The following DAAM1 variants were observed in gnomAD, a reference collection of about 807,000 sequenced individuals.
DAAM1 encodes the protein disheveled-associated activator of morphogenesis 1.
Under a neutral mutation model 130.0 loss-of-function variants are expected in DAAM1, and 52 were observed. The ratio of observed to expected loss-of-function variants is 0.40; its 90% CI spans 0.32 to 0.50. The LOEUF (loss-of-function observed/expected upper bound fraction) is 0.50, where lower values mean the gene tolerates loss of function less well. DAAM1 is among the 20% of genes least tolerant of loss of function. The pLI, the probability that DAAM1 is intolerant of heterozygous loss-of-function variation, is 0.61. For missense variants in DAAM1, 1,134 were observed against 1,303.8 expected, an observed-to-expected ratio of 0.87 and a Z score of 2.01; for synonymous variants, 452 against 444.5, an observed-to-expected ratio of 1.02 and a Z score of -0.21.
At chr14:59,339,546 G>C (rs1340897234) in intron 15 of DAAM1, among the ~76,000 whole-genome samples, 2 of 152,148 alleles carry the variant, frequency 1.3e-5, no homozygotes, top group Non-Finnish European at 2.9e-5. Context: ...TGTCCATCAG[G>C]CTCTGGAGTA....
intron 2 of DAAM1, among the ~76,000 whole-genome samples, chr14:59,274,034 G>A (rs1882842095): frequency 1.3e-5 from 2 of 152,108 alleles, no homozygotes; most frequent in South Asian, 4.1e-4. Context: ...GGAATTTCAA[G>A]CTGTTCTTGG....
At chr14:59,221,618 C>A (rs75369443) in intron 1 of DAAM1, among the ~76,000 whole-genome samples, 3 of 152,186 alleles carry the variant, frequency 2.0e-5, no homozygotes, top group East Asian at 3.8e-4. Context: ...CTAAGAGAAG[C>A]TCTAAACGAT....
intron 3 of DAAM1, among the ~76,000 whole-genome samples, chr14:59,305,498 T>C (rs548937517): frequency 6.6e-6 from 1 of 152,218 alleles, no homozygotes; most frequent in African/African-American, 2.4e-5. Flanking sequence ...ATAAATAAAG[T>C]AAGTGTCTCA....
At chr14:59,337,527 C>T (rs376082244) in intron 15 of DAAM1, among the ~76,000 whole-genome samples, 10 of 152,178 alleles carry the variant, frequency 6.6e-5, no homozygotes, top group East Asian at 3.9e-4. Context: ...AAAACTGGGG[C>T]GTGTTTTGCA....
Position 59,363,674 on chromosome 14 carries a change from GCC to G in DAAM1, c.2722_2723del (p.Pro908ThrfsTer5). 1 of 1,614,054 alleles carries G rather than the reference GCC, an allele frequency of 6.2e-7. No homozygotes were observed. ...AGGAGCTGGAATATCAGAAGTCTCA[GCC>G]CCCACAGCCCGGAGATAAGTTTGTG... ...ETELEYQKSQ[P>X]PQPGDKFVSV... On this transcript the variant is annotated frameshift_variant, in exon 23 of 25. Coordinates refer to ENST00000360909, the MANE Select transcript of DAAM1 (RefSeq NM_001270520.2). LOFTEE classifies it high-confidence loss of function.
intron 18 of DAAM1, 150 bp downstream of exon 18, chr14:59,352,782 T>A: frequency 1.4e-6 from 1 of 701,742 alleles, no homozygotes; most frequent in Non-Finnish European, 2.3e-6. Context: ...CTGAGTGATG[T>A]GGAATTTGTT....
chr14:59,314,409 C>A (rs1379666281), intron 3 of DAAM1, among the ~76,000 whole-genome samples: 1 of 152,140 alleles, frequency 6.6e-6, no homozygotes, highest in Non-Finnish European at 1.5e-5. Flanking sequence ...ATAGAAATCC[C>A]TGACCACAGT....
At chr14:59,194,604 C>A in intron 1 of DAAM1, among the ~76,000 whole-genome samples, 1 of 152,198 alleles carries the variant, frequency 6.6e-6, no homozygotes, top group Non-Finnish European at 1.5e-5. Context: ...CTCAGCCTCC[C>A]TCTTCCCTGT....
In DAAM1 at chr14:59,330,574, G is replaced by C; in HGVS notation, c.1446G>C (p.Glu482Asp). 1 of 1,614,060 alleles carries C rather than the reference G, an allele frequency of 6.2e-7. No homozygotes were observed. Among genetic ancestry groups the C allele is most frequent in the Admixed American group, 1.7e-5 (1 of 60,012 alleles). The change falls in exon 13 of 25, where the codon GAG becomes GAC. Residue 482 changes from glutamate (E) to aspartate (D), a missense_variant. By Grantham distance (45) the Glu-to-Asp change is conservative. Transcript: ENST00000360909. Reference sequence around the variant, plus strand: ...ATGCTAAGACTCAAGAGAAGGAAGAGATGATGCAGACCTTAAATAAAATGA... The same window carrying C: ...ATGCTAAGACTCAAGAGAAGGAAGACATGATGCAGACCTTAAATAAAATGA... ...ECDAKTQEKE[E>D]MMQTLNKMKE...
At chr14:59,361,095 G>T (rs1886688057) in intron 22 of DAAM1, among the ~76,000 whole-genome samples, 1 of 152,200 alleles carries the variant, frequency 6.6e-6, no homozygotes, top group South Asian at 2.1e-4. Context: ...CTGGAAACTG[G>T]ACCTAGTGTG....
At chr14:59,193,057 C>T (rs1262173751) in intron 1 of DAAM1, among the ~76,000 whole-genome samples, 3 of 151,142 alleles carry the variant, frequency 2.0e-5, no homozygotes, top group African/African-American at 7.3e-5. Flanking sequence ...CGTCTCAAAA[C>T]AACAACAACA....
At chr14:59,291,555 C>A in intron 3 of DAAM1, 1 of 429,816 alleles carries the variant, frequency 2.3e-6, no homozygotes, top group South Asian at 2.7e-5. Context: ...CCCAAAATAA[C>A]GTTTGCTTAC....
intron 17 of DAAM1, among the ~76,000 whole-genome samples, chr14:59,351,947 A>C (rs1886309716): frequency 1.3e-5 from 2 of 152,196 alleles, no homozygotes; most frequent in Admixed American, 1.3e-4. Flanking sequence ...TACGAAATTA[A>C]AAACATCAAA....
At chr14:59,251,946 GCTGGC>G (rs1456534477) in intron 1 of DAAM1, among the ~76,000 whole-genome samples, 1 of 152,184 alleles carries the variant, frequency 6.6e-6, no homozygotes, top group Non-Finnish European at 1.5e-5. Flanking sequence ...GTGGTGTAGT[GCTGGC>G]CATGATGCAA....
chr14:59,241,713 G>C (rs17095928), intron 1 of DAAM1, among the ~76,000 whole-genome samples: 10,145 of 152,232 alleles, frequency 0.067, 444 homozygotes, highest in Non-Finnish European at 0.1. Context: ...ACTTATCAAA[G>C]ATCAAATTGG....
chr14:59,289,767 G>GATAGATATATATATATATATAT (rs375183979), intron 2 of DAAM1, among the ~76,000 whole-genome samples: 3 of 110,218 alleles, frequency 2.7e-5, no homozygotes, highest in Non-Finnish European at 3.9e-5. Flanking sequence ...AACAAAATGT[G>GATAGATATATATATATATATAT]ATATATATAT....
At chr14:59,226,657 A>G (rs1888952577) in intron 1 of DAAM1, among the ~76,000 whole-genome samples, 2 of 152,214 alleles carry the variant, frequency 1.3e-5, no homozygotes, top group African/African-American at 4.8e-5. Context: ...TAGGATTCTC[A>G]GTTGTCTGAA....
In DAAM1 at chr14:59,353,980, C is replaced by T. The variant is rs1326762433; in HGVS notation, c.2356+16C>T. 6.2e-7 allele frequency: 1 copy of T among 1,610,574 alleles called. No homozygotes were observed. Among genetic ancestry groups the T allele is most frequent in the Non-Finnish European group, 8.5e-7 (1 of 1,177,720 alleles). ...AAAGTGGAAGGTAAAGTCAAGCTGT[C>T]TAGATTGGAAATGATGTTCATCATT... On this transcript the variant is annotated intron_variant, in intron 19 of 24. Coordinates refer to ENST00000360909, the MANE Select transcript of DAAM1 (RefSeq NM_001270520.2).
At chr14:59,288,832 G>GGAGAGAGA (rs58762540) in intron 2 of DAAM1, among the ~76,000 whole-genome samples, 1,629 of 143,960 alleles carry the variant, frequency 0.011, 31 homozygotes, top group Middle Eastern at 0.06. Flanking sequence ...TGTGATAGCA[G>GGAGAGAGA]GAGAGAGAGA....
Sources: gnomAD v4.1 joint callset for allele counts (sites outside exome capture counted in the v4.1 genomes callset) on GRCh38, gnomAD v4.1.1 for gene constraint, MANE v1.5 for transcripts, NCBI Gene and HGNC (gene_info 2026-07-23, HGNC 2026-07-21) for gene names.